PATJ: variants seen among roughly 807,000 people sequenced by gnomAD.
PATJ encodes PATJ crumbs cell polarity complex component, also known as inaD-like protein.
PATJ carries 190 observed loss-of-function variants against 224.9 expected under a neutral mutation model. The observed-to-expected ratio is 0.84, with a 90% CI of 0.75 to 0.95. PATJ has a LOEUF of 0.95. Ranked by LOEUF, PATJ falls within the 40% of genes least tolerant of loss-of-function variation. The pLI is 0.00. For missense variants in PATJ, 2,121 were observed against 2,270.3 expected, an observed-to-expected ratio of 0.93 and a Z score of 1.34; for synonymous variants, 769 against 820.3, an observed-to-expected ratio of 0.94 and a Z score of 1.07.
At chr1:61,979,004 T>C (rs12753435) in intron 27 of PATJ, among the ~76,000 whole-genome samples, 28,515 of 151,982 alleles carry the variant, frequency 0.19, 2,908 homozygotes, top group Non-Finnish European at 0.22. Flanking sequence ...AAAAAGGCAT[T>C]GATGCTTTGA....
rs1266089962 is a variant in PATJ, at chr1:61,914,253, T to C, written c.3493-334T>C. Among the ~76,000 whole-genome samples, 7 of 152,236 alleles carry C rather than the reference T, an allele frequency of 4.6e-5. No individual in the cohort carries two copies. In the East Asian group the frequency reaches 1.4e-3, roughly 29 times the overall value. On this transcript the variant is annotated intron_variant, in intron 25 of 43. Transcript: ENST00000642238. ...GGCGGATCATCTGAGGTCAGGTATTTGAGAGCAGCTTGGCCAACATGGTGA... is the reference window on the plus strand; with the variant it reads ...GGCGGATCATCTGAGGTCAGGTATTCGAGAGCAGCTTGGCCAACATGGTGA...
chr1:61,965,121 C>CACAAAAAAAAAAA (rs1681915052), intron 27 of PATJ, among the ~76,000 whole-genome samples: 1 of 54,372 alleles, frequency 1.8e-5, no homozygotes, highest in Non-Finnish European at 3.0e-5. Context: ...GACTCTGTCT[C>CACAAAAAAAAAAA]AAAAAAAAAA....
chr1:61,808,553 T>G (rs1411014081), intron 14 of PATJ, 23 bp downstream of exon 14: 1 of 1,511,366 alleles, frequency 6.6e-7, no homozygotes, highest in Non-Finnish European at 9.2e-7. Flanking sequence ...TATAACAAAG[T>G]TAACAGTTTT....
chr1:61,848,437 A>G (rs1662304499), intron 17 of PATJ, among the ~76,000 whole-genome samples: 1 of 152,200 alleles, frequency 6.6e-6, no homozygotes, highest in African/African-American at 2.4e-5. Context: ...GCTTGTGCCG[A>G]TCACTGTTTT....
intron 37 of PATJ, among the ~76,000 whole-genome samples, chr1:62,117,973 C>A (rs1664634985): frequency 6.6e-6 from 1 of 152,106 alleles, no homozygotes. Context: ...TGCCTTATTT[C>A]TGAAGCCTCT....
chr1:62,108,373 T>G, intron 33 of PATJ, 64 bp from the exon 34 acceptor site: 3 of 886,390 alleles, frequency 3.4e-6, no homozygotes, highest in African/African-American at 1.7e-5. Flanking sequence ...TTGCTGCCTA[T>G]TGGTTGTTTG....
At chr1:62,067,429 G>A (rs183598586) in intron 31 of PATJ, among the ~76,000 whole-genome samples, 9 of 152,050 alleles carry the variant, frequency 5.9e-5, no homozygotes, top group South Asian at 4.2e-4. Context: ...GCCCAGCCCC[G>A]ATAATCCTAT....
At chr1:62,096,725 C>T (rs577737166) in intron 33 of PATJ, among the ~76,000 whole-genome samples, 1 of 152,200 alleles carries the variant, frequency 6.6e-6, no homozygotes, top group South Asian at 2.1e-4. Context: ...AAGTGATTCT[C>T]CTGCCTCAGC....
At chr1:62,153,844 A>G (rs1317339083) in intron 43 of PATJ, among the ~76,000 whole-genome samples, 1 of 152,186 alleles carries the variant, frequency 6.6e-6, no homozygotes, top group Admixed American at 6.5e-5. Context: ...CTTGAAAATA[A>G]CAGGCACCAG....
At chr1:61,978,231 C>G (rs536044859) in intron 27 of PATJ, among the ~76,000 whole-genome samples, 1 of 135,764 alleles carries the variant, frequency 7.4e-6, no homozygotes, top group Non-Finnish European at 1.6e-5. Flanking sequence ...CTTCCTCCCT[C>G]CCTCCCTCCC....
intron 29 of PATJ, among the ~76,000 whole-genome samples, chr1:62,031,834 C>T (rs1476799942): frequency 3.3e-5 from 5 of 152,180 alleles, no homozygotes; most frequent in Non-Finnish European, 7.3e-5. Context: ...ATAATTCTAA[C>T]TACTACCTAG....
At chr1:62,047,403 C>G (rs1558090934) in intron 30 of PATJ, among the ~76,000 whole-genome samples, 1 of 149,526 alleles carries the variant, frequency 6.7e-6, no homozygotes, top group Non-Finnish European at 1.5e-5. Context: ...ATTACAAGCA[C>G]CCACCACCAC....
chr1:62,158,720 C>CCA (rs1669530335), intron 43 of PATJ, among the ~76,000 whole-genome samples: 1 of 77,094 alleles, frequency 1.3e-5, no homozygotes, highest in African/African-American at 5.4e-5. Context: ...GACTCTGTCT[C>CCA]AAAAAAAAAA....
At chr1:61,835,455 G>A (rs1660021240) in intron 17 of PATJ, among the ~76,000 whole-genome samples, 1 of 152,136 alleles carries the variant, frequency 6.6e-6, no homozygotes, top group Non-Finnish European at 1.5e-5. Flanking sequence ...CCAGGCTGGA[G>A]TGCAGTGGTG....
intron 27 of PATJ, among the ~76,000 whole-genome samples, chr1:61,929,795 G>C (rs944374673): frequency 1.3e-5 from 2 of 152,094 alleles, no homozygotes; most frequent in Non-Finnish European, 2.9e-5. Context: ...CGAGGCAGAC[G>C]GCTTACCTGA....
chr1:61,805,336 C>T, intron 12 of PATJ, 112 bp from the exon 13 acceptor site: 1 of 680,210 alleles, frequency 1.5e-6, no homozygotes, highest in Non-Finnish European at 2.6e-6. Context: ...TTATTCATTT[C>T]CCCTTTACTT....
intron 1 of PATJ, among the ~76,000 whole-genome samples, chr1:61,762,260 A>G (rs1209997789): frequency 2.0e-5 from 3 of 152,142 alleles, no homozygotes; most frequent in Admixed American, 2.0e-4. Flanking sequence ...CTTCATATGA[A>G]TGTAATCATA....
At chr1:62,051,779 G>A (rs1281470488) in intron 31 of PATJ, among the ~76,000 whole-genome samples, 2 of 152,224 alleles carry the variant, frequency 1.3e-5, no homozygotes, top group African/African-American at 4.8e-5. Flanking sequence ...TAGGGCATTA[G>A]AAGAGAGGCA....
At chr1:61,962,810 A>G (rs980534740) in intron 27 of PATJ, among the ~76,000 whole-genome samples, 1 of 152,130 alleles carries the variant, frequency 6.6e-6, no homozygotes, top group African/African-American at 2.4e-5. Context: ...TTGCTTTCCT[A>G]TGTGTGACCT....
Sources: gnomAD v4.1 joint callset for allele counts (sites outside exome capture counted in the v4.1 genomes callset) on GRCh38, gnomAD v4.1.1 for gene constraint, MANE v1.5 for transcripts, NCBI Gene and HGNC (gene_info 2026-07-23, HGNC 2026-07-21) for gene names.